Variants in ZNF701 observed in about 807,000 individuals in gnomAD.
ZNF701 encodes zinc finger protein 701.
A neutral mutation model predicts 7.1 loss-of-function variants in ZNF701; 6 were observed. The ratio of observed to expected loss-of-function variants is 0.84; its 90% CI spans 0.46 to 1.66. The LOEUF (loss-of-function observed/expected upper bound fraction) is 1.66. Ranked by LOEUF, ZNF701 falls within the 40% of genes most tolerant of loss-of-function variation. The pLI is 0.01. For missense variants in ZNF701, 541 were observed against 559.2 expected, an observed-to-expected ratio of 0.97 and a Z score of 0.33; for synonymous variants, 166 against 188.2, an observed-to-expected ratio of 0.88 and a Z score of 0.97.
downstream of ZNF701, among the ~76,000 whole-genome samples, chr19:52,590,311 G>C (rs2147006413): frequency 6.9e-6 from 1 of 144,978 alleles, no homozygotes; most frequent in Middle Eastern, 4.6e-3. Flanking sequence ...ATAATGACCA[G>C]GCTGTTCTGC....
At chr19:52,592,874 A>G in the ZNF701 span, among the ~76,000 whole-genome samples, 1 of 79,264 alleles carries the variant, frequency 1.3e-5, no homozygotes, top group Non-Finnish European at 2.7e-5. Flanking sequence ...GAAGGTCAGC[A>G]GATAAACAAG....
At chr19:52,591,213 T>C (rs187521766), downstream of ZNF701, among the ~76,000 whole-genome samples, 7 of 152,276 alleles carry the variant, frequency 4.6e-5, no homozygotes, top group Admixed American at 4.6e-4. Flanking sequence ...AGTCTCACTC[T>C]GTTGCCCAGG....
chr19:52,583,772 T>C lies in ZNF701; in HGVS notation c.*315T>C. The C allele has an allele frequency of 1.5e-6, 1 of 652,072 alleles. No homozygotes were observed. 40.4% of individuals were successfully genotyped at this position (652,072 alleles called of 1,614,324 possible). On this transcript the variant is annotated 3_prime_UTR_variant, in exon 4 of 4. Coordinates refer to ENST00000391785, the MANE Select transcript of ZNF701 (RefSeq NM_018260.3). Reference sequence around the variant, plus strand: ...CACTTACTCACCATCAAGCAATCCATGGTATAGGGAAACTTGACTAATGTA... The same window carrying C: ...CACTTACTCACCATCAAGCAATCCACGGTATAGGGAAACTTGACTAATGTA...
chr19:52,592,534 G>T, the ZNF701 span, among the ~76,000 whole-genome samples: 11 of 152,330 alleles, frequency 7.2e-5, no homozygotes, highest in African/African-American at 2.6e-4. Context: ...CCCAGGATAT[G>T]AGATAGAAAG....
chr19:52,578,852 G>T (rs1259120302), intron 3 of ZNF701, among the ~76,000 whole-genome samples: 1 of 152,054 alleles, frequency 6.6e-6, no homozygotes, highest in Non-Finnish European at 1.5e-5. Flanking sequence ...CCACCTCCCG[G>T]GTTCACGCCA....
At chr19:52,597,280 TCTTGA>T in the ZNF701 span, 1 of 546,436 alleles carries the variant, frequency 1.8e-6, no homozygotes, top group Non-Finnish European at 3.7e-6. Flanking sequence ...TGTGGCAAAG[TCTTGA>T]CTTCACGTTC....
chr19:52,574,759 G>A (rs162829), intron 2 of ZNF701, among the ~76,000 whole-genome samples: 34,448 of 151,988 alleles, frequency 0.23, 5,366 homozygotes, highest in African/African-American at 0.45. Flanking sequence ...AATAATAGCA[G>A]GAGATTTATT....
chr19:52,597,083 A>C, the ZNF701 span: 5 of 1,171,976 alleles, frequency 4.3e-6, no homozygotes, highest in Non-Finnish European at 6.2e-6. Context: ...ATGAAGACAG[A>C]TCTTACAAGT....
At chr19:52,596,142 T>C in the ZNF701 span, 2 of 782,440 alleles carry the variant, frequency 2.6e-6, no homozygotes, top group South Asian at 1.6e-5. Flanking sequence ...GGCAAAGCCT[T>C]TAATCATAGC....
chr19:52,580,091 G>A (rs1288203183), intron 3 of ZNF701, among the ~76,000 whole-genome samples: 1 of 141,196 alleles, frequency 7.1e-6, no homozygotes, highest in African/African-American at 3.1e-5. Flanking sequence ...ACAGGCGCCT[G>A]CCACCACACC....
downstream of ZNF701, chr19:52,592,110 G>C: frequency 8.5e-7 from 1 of 1,169,602 alleles, no homozygotes; most frequent in East Asian, 2.4e-5. Context: ...AGGGACACTA[G>C]ACTTTCAGGG....
chr19:52,579,382 G>A (rs1307249784), intron 3 of ZNF701, among the ~76,000 whole-genome samples: 1 of 141,130 alleles, frequency 7.1e-6, no homozygotes, highest in Non-Finnish European at 1.5e-5. Context: ...AATTAGCCGG[G>A]TGTGGTGGCG....
chr19:52,588,486 A>C, downstream of ZNF701: 1 of 195,394 alleles, frequency 5.1e-6, no homozygotes, highest in Non-Finnish European at 1.1e-5. Context: ...CACCATCTCA[A>C]AAAAAAAAAA....
At chr19:52,571,887 G>C (rs1441237233) in intron 1 of ZNF701, among the ~76,000 whole-genome samples, 2 of 152,012 alleles carry the variant, frequency 1.3e-5, no homozygotes, top group South Asian at 4.2e-4. Flanking sequence ...GCAATGGTGC[G>C]ATCTCGGCTC....
chr19:52,585,268 C>T lies in ZNF701; in HGVS notation c.*1811C>T. 1.1e-5 allele frequency: 1 copy of T among 90,804 alleles called. No individual in the cohort carries two copies. The highest frequency in any genetic ancestry group is 2.0e-5 in the Non-Finnish European group (1 of 49,556). 5.6% of individuals were successfully genotyped at this position (90,804 alleles called of 1,614,324 possible). A position where few individuals can be genotyped will look rare whatever the true frequency, so the allele number is the denominator to read the frequency against. Reference sequence around the variant, plus strand: ...CTCACCAGCGAGTTGGACTCTCGCCCTGGGCTCCTCATCGGCGCCTGGAGG... The same window carrying T: ...CTCACCAGCGAGTTGGACTCTCGCCTTGGGCTCCTCATCGGCGCCTGGAGG... On this transcript the variant is annotated 3_prime_UTR_variant, in exon 4 of 4. Transcript: ENST00000391785.
chr19:52,574,005 G>A (rs75491966), intron 1 of ZNF701, 72 bp from the exon 2 acceptor site: 198,246 of 1,487,614 alleles, frequency 0.13, 14,186 homozygotes, highest in Admixed American at 0.18. Flanking sequence ...GGGCACCTTT[G>A]TATGTGTCAT....
the ZNF701 span, among the ~76,000 whole-genome samples, chr19:52,594,469 T>C: frequency 5.9e-5 from 9 of 151,934 alleles, no homozygotes; most frequent in African/African-American, 1.2e-4. Context: ...GTTGGGATTA[T>C]AGGCATGAGC....
At chr19:52,593,525 C>T in the ZNF701 span, among the ~76,000 whole-genome samples, 2 of 113,368 alleles carry the variant, frequency 1.8e-5, 1 homozygote, top group Non-Finnish European at 3.8e-5. Flanking sequence ...GGTGGCTGGC[C>T]GGGCGGGGGG....
rs747271954 is a variant in ZNF701, at chr19:52,582,379, A to G, written c.320A>G (p.Asn107Ser). 7 of 1,613,700 alleles carry G rather than the reference A, an allele frequency of 4.3e-6. No homozygotes were observed. Among genetic ancestry groups the G allele is most frequent in the Admixed American group, 3.3e-5 (2 of 59,936 alleles). ...FVFQWQENETNGHEALMTKTK... is the reference protein window; with the variant it reads ...FVFQWQENETSGHEALMTKTK... ...TTTCAGTGGCAAGAAAATGAAACAA[A>G]TGGCCATGAAGCACTCATGACAAAA... The change falls in exon 4 of 4, where the codon AAT (asparagine) becomes AGT (serine). Residue 107 changes from asparagine to serine, a missense_variant. Coordinates refer to ENST00000391785, the MANE Select transcript of ZNF701 (RefSeq NM_018260.3).
Sources: allele counts gnomAD v4.1 joint callset (sites outside exome capture counted in the v4.1 genomes callset), GRCh38; gene constraint gnomAD v4.1.1; transcripts MANE v1.5; gene names NCBI Gene and HGNC (gene_info 2026-07-23, HGNC 2026-07-21).